The following BEND4 variants were observed in gnomAD, a reference collection of about 807,000 sequenced individuals.
BEND4 encodes BEN domain-containing protein 4.
In BEND4, 27 loss-of-function variants were observed where a neutral mutation model predicts 54.7. The ratio of observed to expected loss-of-function variants is 0.49; its 90% CI spans 0.36 to 0.68. The LOEUF (loss-of-function observed/expected upper bound fraction) is 0.68. Among genes scored for constraint, BEND4 ranks in the 30% least tolerant of loss-of-function variants. BEND4 has a pLI of 0.00. For synonymous variants in BEND4, 327 were observed against 299.5 expected (o/e 1.09, Z -0.95); for missense variants, 702 against 697.2 (o/e 1.01, Z -0.08).
At chr4:42,123,306 A>G (rs537092013) in intron 4 of BEND4, among the ~76,000 whole-genome samples, 1 of 152,140 alleles carries the variant, frequency 6.6e-6, no homozygotes, top group African/African-American at 2.4e-5. Flanking sequence ...TCTTATGTAG[A>G]TATTTCCCCT....
At chr4:42,145,656 C>T (rs2153147550) in intron 2 of BEND4, among the ~76,000 whole-genome samples, 1 of 148,870 alleles carries the variant, frequency 6.7e-6, no homozygotes, top group Non-Finnish European at 1.5e-5. Context: ...GGTGCCGCTG[C>T]ACTCCAACCT....
In BEND4 at chr4:42,152,123, C is replaced by T; in HGVS notation, c.21G>A (p.Pro7=). 1 of 1,246,426 alleles carries T rather than the reference C, an allele frequency of 8.0e-7. No individual in the cohort carries two copies. Among genetic ancestry groups the T allele is most frequent in the Non-Finnish European group, 1.0e-6 (1 of 986,664 alleles). 77.2% of individuals were successfully genotyped at this position (1,246,426 alleles called of 1,614,324 possible). MEEEMQ[P]AEEGPSVPKI... Reference sequence around the variant, plus strand: ...TGGGGACGCTGGGCCCCTCCTCTGCCGGCTGCATCTCTTCCTCCATCCGGC... The same window carrying T: ...TGGGGACGCTGGGCCCCTCCTCTGCTGGCTGCATCTCTTCCTCCATCCGGC... The change falls in exon 2 of 6, where the codon CCG becomes CCA. Residue 7 remains proline (P), a synonymous_variant. Transcript: ENST00000502486.
intron 3 of BEND4, among the ~76,000 whole-genome samples, chr4:42,137,471 T>G (rs561866343): frequency 6.6e-6 from 1 of 152,288 alleles, no homozygotes; most frequent in East Asian, 1.9e-4. Flanking sequence ...AATAATTTTT[T>G]AGGTATCATA....
rs1049438530 is a variant in BEND4 at position 42,152,344 on chromosome 4, G to A, written c.-201C>T. 7 of 355,804 alleles carry A rather than the reference G, an allele frequency of 2.0e-5. No homozygotes were observed. The highest frequency in any genetic ancestry group is 1.5e-4 in the African/African-American group (7 of 46,842). The allele number at this position is 355,804 out of a possible 1,614,324, so 22.0% of individuals were successfully genotyped here. On this transcript the variant is annotated 5_prime_UTR_variant, in exon 2 of 6. Transcript: ENST00000502486. The stretch of plus-strand genomic sequence containing the variant: ...GCCCCCGCGCGGGGGGCTGCCGCCC[G>A]AGCTCCTGATTGACAGGCTGCCTCG...
intron 2 of BEND4, chr4:42,151,344 C>CG (rs144813632): frequency 6.9e-5 from 16 of 232,752 alleles, no homozygotes; most frequent in Non-Finnish European, 1.2e-4. Context: ...CGCTATCCCC[C>CG]GGGGGGGCGT....
intron 3 of BEND4, among the ~76,000 whole-genome samples, chr4:42,129,320 G>C (rs1720417061): frequency 6.6e-6 from 1 of 152,114 alleles, no homozygotes; most frequent in African/African-American, 2.4e-5. Context: ...TGGATAGGAA[G>C]AATCAATATC....
intron 5 of BEND4, 173 bp downstream of exon 5, chr4:42,119,881 G>C (rs961574849): frequency 5.5e-6 from 4 of 726,402 alleles, no homozygotes; most frequent in Non-Finnish European, 9.3e-6. Flanking sequence ...TAAGGCAAAC[G>C]GAGGTTTTTA....
chr4:42,123,425 C>A (rs779638128), intron 4 of BEND4, among the ~76,000 whole-genome samples: 12 of 151,738 alleles, frequency 7.9e-5, no homozygotes, highest in Non-Finnish European at 4.4e-5. Flanking sequence ...GAACAAATCA[C>A]CCTTAATTAA....
chr4:42,125,530 A>G (rs1720239375), intron 4 of BEND4, 53 bp downstream of exon 4: 3 of 1,371,408 alleles, frequency 2.2e-6, no homozygotes, highest in Non-Finnish European at 3.1e-6. Context: ...AAGTTAATCA[A>G]GATACTTAAG....
At chr4:42,124,358 T>C (rs1205548616) in intron 4 of BEND4, among the ~76,000 whole-genome samples, 1 of 151,718 alleles carries the variant, frequency 6.6e-6, no homozygotes, top group Admixed American at 6.6e-5. Flanking sequence ...GTCTCAAAAA[T>C]AAGTGAACAA....
chr4:42,132,644 C>T (rs1330700323), intron 3 of BEND4, among the ~76,000 whole-genome samples: 2 of 151,992 alleles, frequency 1.3e-5, no homozygotes, highest in East Asian at 1.9e-4. Flanking sequence ...GGGAGTTTTA[C>T]CATGTTGACC....
In BEND4 at chr4:42,125,861, C is replaced by T. The variant is rs189711404; in HGVS notation, c.1055-187G>A. Among the ~76,000 whole-genome samples the T allele has an allele frequency of 3.7e-3, 569 of 152,150 alleles. 4 individuals carry two copies. The highest frequency in any genetic ancestry group is 6.8e-3 in the Non-Finnish European group (461 of 67,996). On this transcript the variant is annotated intron_variant, in intron 3 of 5. Coordinates refer to ENST00000502486, the MANE Select transcript of BEND4 (RefSeq NM_207406.4). ...TCAAGTGATTCTCCCACTTCAGCCT[C>T]CCCAGTAGCTGGGACTACAGGTGCG...
rs774057730 is a variant in BEND4 at position 42,113,912 on chromosome 4, A to G, written c.*3606T>C. 2 of 152,254 alleles carry G rather than the reference A, an allele frequency of 1.3e-5. No homozygotes were observed. Among genetic ancestry groups the G allele is most frequent in the Non-Finnish European group, 2.9e-5 (2 of 68,040 alleles). The allele number at this position is 152,254 out of a possible 1,614,324, so 9.4% of individuals were successfully genotyped here. ...CATTCCTAGTGAAGCTTAATGAAAC[A>G]TAAATGGTAACGGTCACCTAAATGC... On this transcript the variant is annotated 3_prime_UTR_variant, in exon 6 of 6. Coordinates refer to ENST00000502486, the MANE Select transcript of BEND4 (RefSeq NM_207406.4).
intron 3 of BEND4, among the ~76,000 whole-genome samples, chr4:42,142,221 T>A (rs1720914379): frequency 6.6e-6 from 1 of 151,208 alleles, no homozygotes; most frequent in Non-Finnish European, 1.5e-5. Flanking sequence ...CTTAAACACT[T>A]TTTAGCAATG....
chr4:42,151,975 GCGGGGGCGC>G lies in BEND4; in HGVS notation c.160_168del (p.Ala54_Pro56del), dbSNP rs1721312562. On this transcript the variant is annotated inframe_deletion, in exon 2 of 6. Transcript: ENST00000502486. ...TGCGGCGCGAAGGGCGGCGGGGGCGGCGGGGGCGCCCGCACGTGCGGCAGCTCCACCAGG... is the reference window on the plus strand; with the variant it reads ...TGCGGCGCGAAGGGCGGCGGGGGCGGCCGCACGTGCGGCAGCTCCACCAGG... The G allele has an allele frequency of 1.6e-6, 2 of 1,251,730 alleles. No homozygotes were observed. The highest frequency in any genetic ancestry group is 1.0e-6 in the Non-Finnish European group (1 of 994,034). 77.5% of individuals were successfully genotyped at this position (1,251,730 alleles called of 1,614,324 possible).
intron 3 of BEND4, 76 bp from the exon 4 acceptor site, chr4:42,125,750 T>TC: frequency 9.6e-7 from 1 of 1,045,952 alleles, no homozygotes; most frequent in Non-Finnish European, 1.4e-6. Context: ...TTAAAGTTTT[T>TC]TTTTTTTTAA....
intron 4 of BEND4, among the ~76,000 whole-genome samples, chr4:42,124,714 C>A (rs79096935): frequency 6.6e-6 from 1 of 152,142 alleles, no homozygotes; most frequent in Non-Finnish European, 1.5e-5. Flanking sequence ...CGAATATAGA[C>A]CAGCTTTTCA....
chr4:42,123,694 G>GAAAAAAAAAAAAAAAAAA (rs71664396), intron 4 of BEND4, among the ~76,000 whole-genome samples: 1 of 50,806 alleles, frequency 2.0e-5, no homozygotes, highest in African/African-American at 7.5e-5. Context: ...CTGTAATTCA[G>GAAAAAAAAAAAAAAAAAA]AAAAAAAAAA....
In BEND4 at chr4:42,151,642, G is replaced by A. The variant is rs1309624470; in HGVS notation, c.487+15C>T. ...CGGCCGTGGCGGGAAGGAAAGTTGTGCGGAGAGTTGGTACCTGCGCTGAGC... is the reference window on the plus strand; with the variant it reads ...CGGCCGTGGCGGGAAGGAAAGTTGTACGGAGAGTTGGTACCTGCGCTGAGC... On this transcript the variant is annotated intron_variant, in intron 2 of 5. Coordinates refer to ENST00000502486, the MANE Select transcript of BEND4 (RefSeq NM_207406.4). 2 of 1,453,824 alleles carry A rather than the reference G, an allele frequency of 1.4e-6. No individual in the cohort carries two copies. Among genetic ancestry groups the A allele is most frequent in the South Asian group, 1.4e-5 (1 of 71,248 alleles). The allele number at this position is 1,453,824 out of a possible 1,614,324, so 90.1% of individuals were successfully genotyped here.
Sources: allele counts gnomAD v4.1 joint callset (sites outside exome capture counted in the v4.1 genomes callset), GRCh38; gene constraint gnomAD v4.1.1; transcripts MANE v1.5; gene names NCBI Gene and HGNC (gene_info 2026-07-23, HGNC 2026-07-21).